Variants in ZYG11B observed in about 807,000 individuals in gnomAD.
ZYG11B encodes the protein zyg-11 family member B, cell cycle regulator, also known as protein zyg-11 homolog B.
A neutral mutation model predicts 82.4 loss-of-function variants in ZYG11B; 36 were observed. The observed-to-expected ratio is 0.44, with a 90% CI of 0.33 to 0.58. The LOEUF is 0.58. Ranked by LOEUF, ZYG11B falls within the 20% of genes least tolerant of loss-of-function variation. The probability of loss-of-function intolerance (pLI) is 0.02; values close to 1 mark genes in which losing one functional copy is unlikely to be tolerated. For missense variants in ZYG11B, 552 were observed against 895.6 expected (o/e 0.62, Z 4.90); for synonymous variants, 303 against 312.8 (o/e 0.97, Z 0.33).
rs1417087211 is a variant in ZYG11B, at chr1:52,790,087, C to G, written c.1334+20C>G. On this transcript the variant is annotated intron_variant, in intron 6 of 13. Transcript: ENST00000294353. ...TAACAGGCAAGTGATAGCTCTAGAA[C>G]TTAAAGTGGGGCAAAACAGAATGTT... 5 of 1,553,516 alleles carry G rather than the reference C, an allele frequency of 3.2e-6. No homozygotes were observed. In the Admixed American group the frequency reaches 5.2e-5, roughly 16 times the overall value.
intron 6 of ZYG11B, among the ~76,000 whole-genome samples, chr1:52,791,654 C>A (rs1644961221): frequency 6.6e-6 from 1 of 152,188 alleles, no homozygotes; most frequent in South Asian, 2.1e-4. Flanking sequence ...CAGGCATGAG[C>A]CACTGCGCCT....
At chr1:52,790,501 C>T (rs1049288366) in intron 6 of ZYG11B, among the ~76,000 whole-genome samples, 2 of 152,098 alleles carry the variant, frequency 1.3e-5, no homozygotes, top group South Asian at 2.1e-4. Context: ...GAGGCCAAAG[C>T]GGGAGGATCC....
intron 1 of ZYG11B, 105 bp downstream of exon 1, chr1:52,726,788 C>T (rs906282728): frequency 1.0e-5 from 12 of 1,176,448 alleles, no homozygotes; most frequent in Non-Finnish European, 1.2e-5. Flanking sequence ...GGTGTCCCCT[C>T]GGGCTCCCTG....
intron 1 of ZYG11B, among the ~76,000 whole-genome samples, chr1:52,737,234 G>A (rs929132204): frequency 3.9e-5 from 6 of 152,100 alleles, no homozygotes; most frequent in African/African-American, 1.4e-4. Flanking sequence ...TACCTCCTTT[G>A]TGAAGGCTTT....
chr1:52,751,933 C>A (rs1489146695), intron 1 of ZYG11B, among the ~76,000 whole-genome samples: 3 of 151,426 alleles, frequency 2.0e-5, no homozygotes, highest in African/African-American at 7.3e-5. Flanking sequence ...ACTGTACTCT[C>A]AACACAGAAC....
chr1:52,769,594 G>A (rs960937474), intron 2 of ZYG11B, among the ~76,000 whole-genome samples: 1 of 152,186 alleles, frequency 6.6e-6, no homozygotes, highest in African/African-American at 2.4e-5. Context: ...TTCTTAATAT[G>A]TAATTAGTCA....
chr1:52,794,151 T>A (rs977258663), intron 6 of ZYG11B, among the ~76,000 whole-genome samples: 1 of 151,992 alleles, frequency 6.6e-6, no homozygotes, highest in African/African-American at 2.4e-5. Context: ...ATTTTTTGTA[T>A]TTTTAGTAGA....
chr1:52,793,982 TCTTC>T (rs1644985438), intron 6 of ZYG11B, among the ~76,000 whole-genome samples: 1 of 151,658 alleles, frequency 6.6e-6, no homozygotes, highest in South Asian at 2.1e-4. Flanking sequence ...TCTTCTTTCT[TCTTC>T]GTTTTTTGAG....
At chr1:52,810,828 AGTTC>A (rs1645176107) in intron 10 of ZYG11B, among the ~76,000 whole-genome samples, 1 of 152,134 alleles carries the variant, frequency 6.6e-6, no homozygotes, top group Non-Finnish European at 1.5e-5. Context: ...TGAGGTCAGG[AGTTC>A]AAGACCAGCC....
intron 4 of ZYG11B, among the ~76,000 whole-genome samples, chr1:52,781,423 A>G (rs1644854928): frequency 1.3e-5 from 2 of 152,230 alleles, no homozygotes; most frequent in South Asian, 4.1e-4. Context: ...TGCTCAAGCC[A>G]GGGAGGCAGA....
rs535642785 is a variant in ZYG11B, at chr1:52,760,440, TAAC to T, written c.196+3818_196+3820del. ...GCCTGGGCGACAAGAATGAGACTCT[TAAC>T]GACAACAACAACAACAACAACAAAA... On this transcript the variant is annotated intron_variant, in intron 2 of 13. Transcript: ENST00000294353. Among the ~76,000 whole-genome samples the T allele has an allele frequency of 6.7e-5, 10 of 150,106 alleles. No individual in the cohort carries two copies. In the South Asian group the frequency reaches 1.7e-3, roughly 25 times the overall value.
chr1:52,756,625 T>C lies in ZYG11B; in HGVS notation c.196+2T>C. The C allele has an allele frequency of 6.3e-7, 1 of 1,595,904 alleles. No individual in the cohort carries two copies. Among genetic ancestry groups the C allele is most frequent in the Non-Finnish European group, 8.5e-7 (1 of 1,169,962 alleles). On this transcript the variant is annotated splice_donor_variant, in intron 2 of 13. Transcript: ENST00000294353. LOFTEE classifies it high-confidence loss of function. The stretch of plus-strand genomic sequence containing the variant: ...TGCTTCGGACCATGGCTTTTCATGG[T>C]AAAAAAATAAACAGAGGAAACAAAA...
At chr1:52,783,897 T>TGTGTGTGTATGTACATATAC (rs1558132732) in intron 4 of ZYG11B, among the ~76,000 whole-genome samples, 9 of 124,068 alleles carry the variant, frequency 7.3e-5, no homozygotes, top group African/African-American at 4.0e-4. Context: ...TACATACACG[T>TGTGTGTGTATGTACATATAC]GTGTGTATAT....
intron 10 of ZYG11B, among the ~76,000 whole-genome samples, chr1:52,808,312 CGAG>C (rs1645157890): frequency 6.6e-6 from 1 of 151,854 alleles, no homozygotes; most frequent in African/African-American, 2.4e-5. Flanking sequence ...TGCAGTGAGC[CGAG>C]ATCACGCCAT....
At chr1:52,769,357 A>C (rs1466835525) in intron 2 of ZYG11B, among the ~76,000 whole-genome samples, 2 of 152,236 alleles carry the variant, frequency 1.3e-5, no homozygotes, top group Non-Finnish European at 1.5e-5. Context: ...GAGTTTTAAT[A>C]ATTTTTATTT....
At chr1:52,797,463 ATATATAT>A (rs1645034536) in intron 8 of ZYG11B, among the ~76,000 whole-genome samples, 1 of 97,252 alleles carries the variant, frequency 1.0e-5, no homozygotes, top group African/African-American at 3.8e-5. Flanking sequence ...CATATATGAT[ATATATAT>A]TATATATGAT....
intron 6 of ZYG11B, among the ~76,000 whole-genome samples, chr1:52,795,318 T>G (rs1214177729): frequency 6.6e-6 from 1 of 152,188 alleles, no homozygotes; most frequent in African/African-American, 2.4e-5. Flanking sequence ...ATTGCAAGTT[T>G]CCTGAGGCCT....
intron 2 of ZYG11B, among the ~76,000 whole-genome samples, chr1:52,760,197 C>A (rs1464753044): frequency 6.6e-6 from 1 of 152,156 alleles, no homozygotes; most frequent in Non-Finnish European, 1.5e-5. Flanking sequence ...AATCCAAGTA[C>A]TTTGGGAGGC....
chr1:52,756,948 G>A (rs1029434190), intron 2 of ZYG11B, among the ~76,000 whole-genome samples: 9 of 151,024 alleles, frequency 6.0e-5, no homozygotes, highest in Non-Finnish European at 8.8e-5. Flanking sequence ...CTCCTGTGTA[G>A]CTGGGACCAC....
Sources: allele counts gnomAD v4.1 joint callset (sites outside exome capture counted in the v4.1 genomes callset), GRCh38; gene constraint gnomAD v4.1.1; transcripts MANE v1.5; gene names NCBI Gene and HGNC (gene_info 2026-07-23, HGNC 2026-07-21).